Variants in ADD1 observed in about 807,000 individuals in gnomAD.
ADD1 encodes the protein adducin 1.
ADD1 carries 24 observed loss-of-function variants against 80.5 expected under a neutral mutation model. The observed-to-expected ratio is 0.30, with a 90% CI of 0.22 to 0.42. The LOEUF (loss-of-function observed/expected upper bound fraction) is 0.42. Ranked by LOEUF, ADD1 falls within the 10% of genes least tolerant of loss-of-function variation. The pLI, the probability that ADD1 is intolerant of heterozygous loss-of-function variation, is 1.00. For synonymous variants in ADD1, 373 were observed against 393.8 expected (o/e 0.95, Z 0.63); for missense variants, 948 against 1,019.0 (o/e 0.93, Z 0.95).
At chr4:2,910,034 T>A (rs12649553) in intron 13 of ADD1, among the ~76,000 whole-genome samples, 31,113 of 140,262 alleles carry the variant, frequency 0.22, 4,006 homozygotes, top group Non-Finnish European at 0.28. Flanking sequence ...CTTAGGAGAG[T>A]CTGAAACCCC....
rs757046444 is a variant in ADD1, at chr4:2,894,046, A to G, written c.544A>G (p.Ile182Val). Residue 182 changes from isoleucine to valine, a missense_variant, in exon 5 of 16, where the codon ATT (isoleucine) becomes GTT (valine). Coordinates refer to ENST00000683351, the MANE Select transcript of ADD1 (RefSeq NM_001354761.2). ...RVNSEQEHFL[I>V]VPFGLLYSEV... ...GAACTCCGAGCAGGAACACTTCCTC[A>G]TTGTCCCTTTTGGGCTTCTTTACAG... 10 of 1,613,828 alleles carry G rather than the reference A, an allele frequency of 6.2e-6. No individual in the cohort carries two copies. Among genetic ancestry groups the G allele is most frequent in the South Asian group, 3.3e-5 (3 of 91,086 alleles).
At chr4:2,879,580 G>A (rs1731899914) in intron 2 of ADD1, among the ~76,000 whole-genome samples, 1 of 152,104 alleles carries the variant, frequency 6.6e-6, no homozygotes, top group African/African-American at 2.4e-5. Flanking sequence ...CCTGTGACCA[G>A]CACTGTCTGT....
rs1731208441 is a variant in ADD1 at position 2,875,930 on chromosome 4, T to C, written c.15T>C (p.Ser5=). Residue 5 remains serine, a synonymous_variant, in exon 2 of 16, where the codon TCT becomes TCC. Transcript: ENST00000683351. The part of the protein sequence containing the change: MNGD[S]RAAVVTSPPP... ...AAGATTGTACAATGAATGGTGATTC[T>C]CGTGCTGCGGTGGTGACCTCACCAC... is the stretch of plus-strand genomic sequence containing the variant. 1.3e-6 allele frequency: 2 copies of C among 1,596,230 alleles called. No homozygotes were observed. The highest frequency in any genetic ancestry group is 1.4e-5 in the African/African-American group (1 of 73,944).
chr4:2,919,042 T>C (rs1459817069), intron 14 of ADD1, among the ~76,000 whole-genome samples: 1 of 152,028 alleles, frequency 6.6e-6, no homozygotes, highest in Non-Finnish European at 1.5e-5. Context: ...GGTTTCACCA[T>C]GTTGGCCAGG....
At chr4:2,846,482 G>A (rs1726214713) in intron 1 of ADD1, among the ~76,000 whole-genome samples, 1 of 152,090 alleles carries the variant, frequency 6.6e-6, no homozygotes, top group Non-Finnish European at 1.5e-5. Context: ...ATTTCAGCAA[G>A]CATTGAATAT....
In ADD1 at chr4:2,917,775, A is replaced by C. The variant is rs536607726; in HGVS notation, c.1948+2735A>C. 3.6e-4 allele frequency among the ~76,000 whole-genome samples: 55 copies of C among 152,356 alleles called. 1 individual carries two copies. Among genetic ancestry groups the C allele is most frequent in the African/African-American group, 1.3e-3 (55 of 41,576 alleles). ...GTTTTCCTAACACCATTTATTAAAT[A>C]GGGAATCCTTTTCCCATTCCTTGTT... On this transcript the variant is annotated intron_variant, in intron 14 of 15. Transcript: ENST00000683351.
chr4:2,870,522 A>G (rs1366519808), intron 1 of ADD1, among the ~76,000 whole-genome samples: 1 of 151,946 alleles, frequency 6.6e-6, no homozygotes, highest in Non-Finnish European at 1.5e-5. Flanking sequence ...ATTTTCTTCA[A>G]TGCCATTTAG....
In ADD1 at chr4:2,884,634, G is replaced by A; in HGVS notation, c.478G>A (p.Gly160Arg). Residue 160 changes from glycine to arginine, a missense_variant, in exon 4 of 16, where the codon GGG becomes AGG. Gly to Arg is a moderately radical substitution (Grantham distance 125, BLOSUM62 -2). Coordinates refer to ENST00000683351, the MANE Select transcript of ADD1 (RefSeq NM_001354761.2). ...AAFYRLADLF[G>R]WSQLIYNHIT... Reference sequence around the variant, plus strand: ...GTTTTATAGACTAGCAGATCTCTTTGGGTGGTCTCAGCTTATCTACAATCA... The same window carrying A: ...GTTTTATAGACTAGCAGATCTCTTTAGGTGGTCTCAGCTTATCTACAATCA... 6.2e-7 allele frequency: 1 copy of A among 1,610,818 alleles called. No individual in the cohort carries two copies. The highest frequency in any genetic ancestry group is 2.2e-5 in the East Asian group (1 of 44,792).
chr4:2,898,362 G>A, intron 7 of ADD1, 35 bp downstream of exon 7: 2 of 1,614,154 alleles, frequency 1.2e-6, no homozygotes, highest in Non-Finnish European at 1.7e-6. Flanking sequence ...TTAAATTACA[G>A]CAGAAAGAAG....
intron 12 of ADD1, chr4:2,908,965 G>T (rs1737532421): frequency 4.5e-6 from 2 of 442,230 alleles, no homozygotes; most frequent in Non-Finnish European, 8.3e-6. Context: ...ACATATTGCT[G>T]TCTGCAACAA....
chr4:2,907,932 T>C, intron 11 of ADD1, 88 bp downstream of exon 11: 1 of 1,023,490 alleles, frequency 9.8e-7, no homozygotes, highest in South Asian at 1.3e-5. Context: ...TGCTTGCTTC[T>C]AGCAGAGGGC....
At chr4:2,870,895 G>A (rs1464041809) in intron 1 of ADD1, among the ~76,000 whole-genome samples, 1 of 151,460 alleles carries the variant, frequency 6.6e-6, no homozygotes, top group Non-Finnish European at 1.5e-5. Context: ...AAAGTAAGTA[G>A]TTTGTGAATT....
chr4:2,926,184 C>A lies in ADD1; in HGVS notation c.2047+72C>A. 2 of 1,372,202 alleles carry A rather than the reference C, an allele frequency of 1.5e-6. No homozygotes were observed. Among genetic ancestry groups the A allele is most frequent in the Non-Finnish European group, 2.1e-6 (2 of 964,438 alleles). 85.0% of individuals were successfully genotyped at this position (1,372,202 alleles called of 1,614,324 possible). ...TCGTGCGCGCTGTGGCGGAATGTGG[C>A]GGGAGTCGTGTTAACAGCAACACGG... On this transcript the variant is annotated intron_variant, in intron 15 of 15. Transcript: ENST00000683351. This position sits in a 1 kb window ranked among gnomAD's most constrained non-coding sequence, Gnocchi z 5.0.
intron 14 of ADD1, among the ~76,000 whole-genome samples, chr4:2,921,246 G>C (rs1739983437): frequency 6.6e-6 from 1 of 152,080 alleles, no homozygotes; most frequent in African/African-American, 2.4e-5. Context: ...TCCTGCCTCA[G>C]CCTCCCCAGC....
At chr4:2,849,503 A>T (rs995999909) in intron 1 of ADD1, among the ~76,000 whole-genome samples, 6 of 152,164 alleles carry the variant, frequency 3.9e-5, no homozygotes, top group Admixed American at 2.6e-4. Flanking sequence ...TGCCTCAGGA[A>T]TGGGGCGCAG....
intron 1 of ADD1, among the ~76,000 whole-genome samples, chr4:2,872,208 G>C (rs559937289): frequency 6.6e-6 from 1 of 152,220 alleles, no homozygotes; most frequent in South Asian, 2.1e-4. Flanking sequence ...CCAGATTTTT[G>C]TTTTCTGTTG....
chr4:2,881,680 A>T, intron 2 of ADD1: 1 of 410,902 alleles, frequency 2.4e-6, no homozygotes, highest in Non-Finnish European at 4.3e-6. Flanking sequence ...TCCTAAGAGT[A>T]GAATTCCTGT....
intron 13 of ADD1, chr4:2,914,586 T>C: frequency 3.5e-6 from 1 of 289,166 alleles, no homozygotes; most frequent in Non-Finnish European, 6.4e-6. Context: ...GTGGGCACCC[T>C]CCCTGAGGTG....
chr4:2,915,682 G>A (rs1432217892), intron 14 of ADD1, among the ~76,000 whole-genome samples: 2 of 152,116 alleles, frequency 1.3e-5, no homozygotes, highest in African/African-American at 4.8e-5. Flanking sequence ...AATTAGCCAG[G>A]TGTAGTGGCG....
Sources: allele counts gnomAD v4.1 joint callset (sites outside exome capture counted in the v4.1 genomes callset), GRCh38; gene constraint gnomAD v4.1.1; non-coding constraint Gnocchi (gnomAD v3.1); transcripts MANE v1.5; gene names NCBI Gene and HGNC (gene_info 2026-07-23, HGNC 2026-07-21).